The following NELL2 variants were observed in gnomAD, a reference collection of about 807,000 sequenced individuals.
NELL2 encodes the protein protein kinase C-binding protein NELL2.
In NELL2, 41 loss-of-function variants were observed where a neutral mutation model predicts 109.6. The observed-to-expected ratio is 0.37, with a 90% CI of 0.29 to 0.49. NELL2 has a LOEUF of 0.49. Ranked by LOEUF, NELL2 falls within the 20% of genes least tolerant of loss-of-function variation. The pLI is 0.98. For synonymous variants in NELL2, 355 were observed against 344.7 expected, an observed-to-expected ratio of 1.03 and a Z score of -0.33; for missense variants, 900 against 1,008.3, an observed-to-expected ratio of 0.89 and a Z score of 1.45.
intron 1 of NELL2, among the ~76,000 whole-genome samples, chr12:44,905,079 G>A (rs1592714834): frequency 6.6e-6 from 1 of 151,998 alleles, no homozygotes; most frequent in Non-Finnish European, 1.5e-5. Flanking sequence ...TGATGTAGAT[G>A]TTCTTTTACA....
At chr12:44,692,911 A>C (rs998829356) in intron 12 of NELL2, among the ~76,000 whole-genome samples, 7 of 152,190 alleles carry the variant, frequency 4.6e-5, no homozygotes, top group African/African-American at 1.7e-4. Flanking sequence ...CTCCTGGTAA[A>C]GATGCTATGA....
intron 12 of NELL2, 23 bp downstream of exon 12, chr12:44,703,703 C>T (rs1472409501): frequency 3.1e-6 from 5 of 1,612,182 alleles, no homozygotes; most frequent in Non-Finnish European, 3.4e-6. Context: ...TACAGCTGAG[C>T]TACACATCAT....
chr12:44,611,670 C>A (rs1317775422), intron 13 of NELL2, among the ~76,000 whole-genome samples: 2 of 152,102 alleles, frequency 1.3e-5, no homozygotes, highest in South Asian at 2.1e-4. Flanking sequence ...CCTTACAGCA[C>A]CCCTGTGGGA....
At chr12:44,702,739 C>T (rs1463156937) in intron 12 of NELL2, among the ~76,000 whole-genome samples, 1 of 152,022 alleles carries the variant, frequency 6.6e-6, no homozygotes, top group Non-Finnish European at 1.5e-5. Flanking sequence ...CCCTTTAGGA[C>T]TGAATCAGTA....
intron 13 of NELL2, among the ~76,000 whole-genome samples, chr12:44,648,738 T>A (rs867232624): frequency 0.05 from 6,220 of 124,272 alleles, 147 homozygotes; most frequent in Admixed American, 0.1. Context: ...TATATTTTTT[T>A]TTTTTTTTTT....
chr12:44,905,065 C>A (rs1368776570), intron 1 of NELL2, among the ~76,000 whole-genome samples: 1 of 151,950 alleles, frequency 6.6e-6, no homozygotes. Flanking sequence ...TATCAGAGTG[C>A]TAGTGATGTA....
intron 9 of NELL2, among the ~76,000 whole-genome samples, chr12:44,739,980 T>C (rs1208855106): frequency 3.9e-5 from 6 of 152,348 alleles, no homozygotes; most frequent in African/African-American, 1.2e-4. Flanking sequence ...GCTGCTTTCA[T>C]GCTATAAAGA....
intron 12 of NELL2, among the ~76,000 whole-genome samples, chr12:44,669,670 G>T (rs1416683721): frequency 6.6e-6 from 1 of 151,968 alleles, no homozygotes; most frequent in African/African-American, 2.4e-5. Flanking sequence ...CTTAAAGACA[G>T]GGCTTTTGAA....
At chr12:44,799,264 C>G (rs1942746365) in intron 3 of NELL2, among the ~76,000 whole-genome samples, 1 of 151,938 alleles carries the variant, frequency 6.6e-6, no homozygotes, top group Non-Finnish European at 1.5e-5. Flanking sequence ...GGCCCGATTT[C>G]CACTTCTTAT....
chr12:44,738,722 A>G (rs1443779429), intron 9 of NELL2, among the ~76,000 whole-genome samples: 3 of 152,196 alleles, frequency 2.0e-5, no homozygotes, highest in African/African-American at 4.8e-5. Flanking sequence ...TATATGATGA[A>G]TAAGTTCTGG....
At chr12:44,870,716 C>A (rs1945137761) in intron 2 of NELL2, among the ~76,000 whole-genome samples, 1 of 152,154 alleles carries the variant, frequency 6.6e-6, no homozygotes, top group Admixed American at 6.5e-5. Context: ...TATCACATCA[C>A]TCTACACTGA....
chr12:44,875,764 C>T (rs368149575), intron 1 of NELL2, 51 bp downstream of exon 1: 90 of 1,612,118 alleles, frequency 5.6e-5, no homozygotes, highest in Non-Finnish European at 7.4e-5. Flanking sequence ...CCCATGCTGC[C>T]CCGAGGCGGG....
chr12:44,913,017 A>G (rs994516661), intron 1 of NELL2, among the ~76,000 whole-genome samples: 1 of 152,190 alleles, frequency 6.6e-6, no homozygotes, highest in Non-Finnish European at 1.5e-5. Flanking sequence ...AATATTTATA[A>G]AGTCCTTAGA....
At chr12:44,654,186 C>A (rs1947405746) in intron 13 of NELL2, among the ~76,000 whole-genome samples, 1 of 152,144 alleles carries the variant, frequency 6.6e-6, no homozygotes, top group African/African-American at 2.4e-5. Context: ...CTATTCCCAT[C>A]TATTAAATTG....
At chr12:44,514,676 C>T (rs140287727) in intron 19 of NELL2, among the ~76,000 whole-genome samples, 1,878 of 151,402 alleles carry the variant, frequency 0.012, 25 homozygotes, top group South Asian at 0.044. Flanking sequence ...AGTCTTGGAA[C>T]GTATATCCCT....
At chr12:44,515,545 G>T (rs1565853499) in intron 19 of NELL2, among the ~76,000 whole-genome samples, 1 of 151,860 alleles carries the variant, frequency 6.6e-6, no homozygotes, top group East Asian at 1.9e-4. Flanking sequence ...ACTCTCTGGA[G>T]TGTTGGATAT....
intron 9 of NELL2, among the ~76,000 whole-genome samples, chr12:44,759,096 T>C (rs187584211): frequency 2.0e-5 from 3 of 152,336 alleles, no homozygotes; most frequent in East Asian, 1.9e-4. Flanking sequence ...CCATACTTCC[T>C]ATCTTGTTAC....
At chr12:44,667,465 T>TA (rs1947962609) in intron 12 of NELL2, among the ~76,000 whole-genome samples, 1 of 152,200 alleles carries the variant, frequency 6.6e-6, no homozygotes, top group Non-Finnish European at 1.5e-5. Context: ...AGTGTTGGAA[T>TA]AAAAGTTCAT....
chr12:44,875,722 G>T, intron 1 of NELL2, 93 bp downstream of exon 1: 1 of 1,608,558 alleles, frequency 6.2e-7, no homozygotes. Flanking sequence ...GACCTACTTT[G>T]GGTCCGGGAA....
Sources: gnomAD v4.1 joint callset for allele counts (sites outside exome capture counted in the v4.1 genomes callset) on GRCh38, gnomAD v4.1.1 for gene constraint, MANE v1.5 for transcripts, NCBI Gene and HGNC (gene_info 2026-07-23, HGNC 2026-07-21) for gene names.